COL12A1: variants seen among roughly 807,000 people sequenced by gnomAD.
COL12A1 encodes the protein collagen alpha-1(XII) chain.
In COL12A1, 114 loss-of-function variants were observed where a neutral mutation model predicts 349.7. The observed-to-expected ratio is 0.33, with a 90% CI of 0.28 to 0.38. The LOEUF (loss-of-function observed/expected upper bound fraction) is 0.38. Ranked by LOEUF, COL12A1 falls within the 10% of genes least tolerant of loss-of-function variation. COL12A1 has a pLI of 1.00. For missense variants in COL12A1, 3,284 were observed against 3,756.9 expected (o/e 0.87, Z 3.29); for synonymous variants, 1,369 against 1,329.0 (o/e 1.03, Z -0.66).
intron 45 of COL12A1, 73 bp from the exon 46 acceptor site, chr6:75,119,259 A>C (rs1267563762): frequency 1.2e-6 from 2 of 1,610,042 alleles, no homozygotes; most frequent in Non-Finnish European, 1.7e-6. Context: ...GTCACACCCA[A>C]CTGATAAGAA....
In COL12A1 at chr6:75,189,405, A is replaced by G. The variant is rs975953483; in HGVS notation, c.659-24T>C. The stretch of plus-strand genomic sequence containing the variant: ...CCCTAAAGGGAAAAGAAACATGTTC[A>G]TTTACTCTGTACTACACAATTTTTC... On this transcript the variant is annotated intron_variant, in intron 6 of 65. Transcript: ENST00000322507. The G allele has an allele frequency of 4.3e-6, 7 of 1,609,376 alleles. No individual in the cohort carries two copies. The African/African-American group carries it at 5.3e-5, about 12-fold the overall frequency.
chr6:75,192,389 C>A, intron 3 of COL12A1, 34 bp from the exon 4 acceptor site: 1 of 1,588,390 alleles, frequency 6.3e-7, no homozygotes, highest in Non-Finnish European at 8.6e-7. Context: ...ATGAATGCAA[C>A]AAAACATTTT....
chr6:75,194,585 TAG>T (rs1216101619), intron 3 of COL12A1, among the ~76,000 whole-genome samples: 5 of 152,092 alleles, frequency 3.3e-5, no homozygotes, highest in Non-Finnish European at 1.5e-5. Context: ...CAGGTAAAAA[TAG>T]AGTCAATTTT....
At chr6:75,148,805 T>C (rs1269367279) in intron 21 of COL12A1, among the ~76,000 whole-genome samples, 1 of 152,144 alleles carries the variant, frequency 6.6e-6, no homozygotes, top group Middle Eastern at 3.2e-3. Context: ...CAAGACCCGA[T>C]ATGGTTTTGC....
At chr6:75,121,570 TG>T (rs1765733140) in intron 43 of COL12A1, 129 bp from the exon 44 acceptor site, 2 of 1,087,924 alleles carry the variant, frequency 1.8e-6, no homozygotes, top group East Asian at 5.3e-5. Context: ...CAGCACTGCC[TG>T]GGAGCTTGTT....
chr6:75,092,276 A>AT (rs1266847133), intron 60 of COL12A1, among the ~76,000 whole-genome samples: 2 of 152,162 alleles, frequency 1.3e-5, no homozygotes, highest in Non-Finnish European at 1.5e-5. Flanking sequence ...GCAAACCACC[A>AT]TAGCACGTGT....
chr6:75,155,075 A>T (rs1443843681), intron 16 of COL12A1, among the ~76,000 whole-genome samples: 1 of 152,162 alleles, frequency 6.6e-6, no homozygotes, highest in Non-Finnish European at 1.5e-5. Context: ...AAGACTACAC[A>T]CAGTAGTTCA....
chr6:75,180,910 G>T, intron 11 of COL12A1, 29 bp downstream of exon 11: 1 of 1,593,850 alleles, frequency 6.3e-7, no homozygotes, highest in Non-Finnish European at 8.6e-7. Flanking sequence ...TTCATTTTCT[G>T]AATAACAGTG....
chr6:75,104,875 A>C (rs187461455), intron 54 of COL12A1, among the ~76,000 whole-genome samples: 1 of 152,316 alleles, frequency 6.6e-6, no homozygotes, highest in East Asian at 1.9e-4. Flanking sequence ...AACATATAAG[A>C]AGCTTTCAGG....
rs1766916665 is a variant in COL12A1, at chr6:75,142,058, G to A, written c.4931C>T (p.Pro1644Leu). The A allele has an allele frequency of 3.1e-6, 5 of 1,614,120 alleles. No individual in the cohort carries two copies. Among genetic ancestry groups the A allele is most frequent in the Non-Finnish European group, 3.4e-6 (4 of 1,179,988 alleles). ...VSAVHDEGES[P>L]PVTAQETTRP... Reference sequence around the variant, plus strand: ...GGTAGTTTCTTGAGCAGTCACTGGAGGAGACTCCCCCTCGTCATGTACTGC... The same window carrying A: ...GGTAGTTTCTTGAGCAGTCACTGGAAGAGACTCCCCCTCGTCATGTACTGC... The change falls in exon 27 of 66, where the codon CCT (proline) becomes CTT (leucine). Residue 1644 changes from proline (P) to leucine (L), a missense_variant. Pro to Leu is a moderately conservative substitution (Grantham distance 98, BLOSUM62 -3). Coordinates refer to ENST00000322507, the MANE Select transcript of COL12A1 (RefSeq NM_004370.6).
Position 75,183,561 on chromosome 6 carries a change from T to C in COL12A1, c.1380A>G (p.Arg460=), listed in dbSNP as rs774882054. 1.2e-6 allele frequency: 2 copies of C among 1,614,158 alleles called. No individual in the cohort carries two copies. Among genetic ancestry groups the C allele is most frequent in the Non-Finnish European group, 1.7e-6 (2 of 1,180,028 alleles). Residue 460 remains arginine, a synonymous_variant, in exon 10 of 66, where the codon AGA becomes AGG. Transcript: ENST00000322507. ...SIGIANFVKV[R]AFLEVLVKSF... is the part of the protein sequence containing the mutation. ...TTTTTACAAGAACTTCCAAAAAGGC[T>C]CTAACTTTAACAAAGTTTGCAATCC...
chr6:75,151,196 G>C lies in COL12A1; in HGVS notation c.4092C>G (p.Leu1364=). ...TGGTGAGATCATCCACTATCCTGGA[G>C]AGTGACTCAAAATCTGCCACATTGT... ...HAYNVADFES[L]SRIVDDLTIN... The change falls in exon 21 of 66, where the codon CTC becomes CTG. Residue 1364 remains leucine (L), a synonymous_variant. Coordinates refer to ENST00000322507, the MANE Select transcript of COL12A1 (RefSeq NM_004370.6). 6.2e-7 allele frequency: 1 copy of C among 1,613,436 alleles called. No individual in the cohort carries two copies. The highest frequency in any genetic ancestry group is 8.5e-7 in the Non-Finnish European group (1 of 1,179,562).
intron 31 of COL12A1, among the ~76,000 whole-genome samples, chr6:75,136,216 A>G (rs904151597): frequency 2.0e-5 from 3 of 152,186 alleles, no homozygotes; most frequent in African/African-American, 7.2e-5. Context: ...GAAAAAAAAG[A>G]AGTTCTGTTT....
intron 12 of COL12A1, among the ~76,000 whole-genome samples, chr6:75,176,124 G>GA (rs1768929345): frequency 1.3e-5 from 2 of 152,194 alleles, no homozygotes; most frequent in African/African-American, 2.4e-5. Flanking sequence ...GAAGAGAGGA[G>GA]GAAGGAAGCA....
At chr6:75,123,745 C>T (rs1304444816) in intron 42 of COL12A1, among the ~76,000 whole-genome samples, 1 of 152,190 alleles carries the variant, frequency 6.6e-6, no homozygotes, top group Non-Finnish European at 1.5e-5. Flanking sequence ...AGCACCAACT[C>T]AATAACAGGG....
rs771418588 is a variant in COL12A1 at position 75,145,293 on chromosome 6, T to G, written c.4690+33A>C. 4 of 1,540,078 alleles carry G rather than the reference T, an allele frequency of 2.6e-6. No homozygotes were observed. The East Asian group carries it at 9.3e-5, about 36-fold the overall frequency. On this transcript the variant is annotated intron_variant, in intron 25 of 65. Transcript: ENST00000322507. ...CTAATGAACATTATGCTCACAGCAA[T>G]AAGAAGGGAAATAAAACTAAGCAGT...
intron 51 of COL12A1, among the ~76,000 whole-genome samples, chr6:75,110,797 G>T (rs960801654): frequency 5.9e-5 from 9 of 151,896 alleles, no homozygotes; most frequent in African/African-American, 1.4e-4. Flanking sequence ...TTGAAATATT[G>T]CTCATTCTCA....
chr6:75,137,356 T>C, intron 31 of COL12A1, 81 bp downstream of exon 31: 1 of 1,273,926 alleles, frequency 7.8e-7, no homozygotes, highest in South Asian at 1.5e-5. Flanking sequence ...TAAGTATGAC[T>C]AACTAAGCAC....
At chr6:75,143,169 T>C (rs536965143) in intron 26 of COL12A1, 83 bp downstream of exon 26, 2 of 1,471,792 alleles carry the variant, frequency 1.4e-6, no homozygotes, top group Admixed American at 1.8e-5. Flanking sequence ...CAAAACATGC[T>C]ATCATCCATA....
Sources: allele counts gnomAD v4.1 joint callset (sites outside exome capture counted in the v4.1 genomes callset), GRCh38; gene constraint gnomAD v4.1.1; transcripts MANE v1.5; gene names NCBI Gene and HGNC (gene_info 2026-07-23, HGNC 2026-07-21).